CNTNAP2: variants seen among roughly 807,000 people sequenced by gnomAD.
CNTNAP2 encodes the protein contactin-associated protein-like 2.
In CNTNAP2, 98 loss-of-function variants were observed where a neutral mutation model predicts 155.2. That is an observed-to-expected ratio of 0.63 (90% confidence interval 0.54 to 0.75). The LOEUF (loss-of-function observed/expected upper bound fraction) is 0.75, where lower values mean the gene tolerates loss of function less well. CNTNAP2 is among the 30% of genes least tolerant of loss of function. The pLI is 0.00. For missense variants in CNTNAP2, 1,727 were observed against 1,688.1 expected (o/e 1.02, Z -0.40); for synonymous variants, 651 against 631.2 (o/e 1.03, Z -0.47).
chr7:147,722,357 G>T (rs113561984), intron 13 of CNTNAP2, among the ~76,000 whole-genome samples: 7,925 of 152,178 alleles, frequency 0.052, 279 homozygotes, highest in South Asian at 0.13. Context: ...TCATTGTTGA[G>T]CGTGGTTTAC....
At chr7:147,648,850 A>G (rs1795407978) in intron 13 of CNTNAP2, among the ~76,000 whole-genome samples, 1 of 152,168 alleles carries the variant, frequency 6.6e-6, no homozygotes, top group Admixed American at 6.5e-5. Flanking sequence ...TTTCAAATGT[A>G]TATCTATCCT....
chr7:147,384,044 A>G (rs1231821534), intron 9 of CNTNAP2, among the ~76,000 whole-genome samples: 2 of 152,182 alleles, frequency 1.3e-5, no homozygotes, highest in African/African-American at 4.8e-5. Flanking sequence ...GTGACATTTG[A>G]ACTGACCTGA....
At chr7:146,576,867 G>A (rs982403344) in intron 1 of CNTNAP2, among the ~76,000 whole-genome samples, 1 of 151,954 alleles carries the variant, frequency 6.6e-6, no homozygotes, top group Non-Finnish European at 1.5e-5. Flanking sequence ...ATTATTTTTA[G>A]GTGTAACACT....
chr7:147,727,902 A>G (rs1386362033), intron 13 of CNTNAP2, among the ~76,000 whole-genome samples: 1 of 152,010 alleles, frequency 6.6e-6, no homozygotes, highest in East Asian at 1.9e-4. Context: ...TTGGTGGTAG[A>G]TTGCATTGAT....
chr7:148,306,770 T>G (rs567880552), intron 21 of CNTNAP2, among the ~76,000 whole-genome samples: 51 of 152,162 alleles, frequency 3.4e-4, no homozygotes, highest in African/African-American at 1.0e-3. Context: ...TTGGTTGGTG[T>G]GTGTGTGTGT....
At chr7:146,947,052 A>G (rs1257347591) in intron 3 of CNTNAP2, among the ~76,000 whole-genome samples, 2 of 151,604 alleles carry the variant, frequency 1.3e-5, no homozygotes, top group Admixed American at 1.3e-4. Flanking sequence ...TATTTTTGAG[A>G]TGGAGTTTCA....
At chr7:147,562,040 C>T (rs1800073432) in intron 11 of CNTNAP2, 98 bp from the exon 12 acceptor site, 1 of 1,471,454 alleles carries the variant, frequency 6.8e-7, no homozygotes, top group African/African-American at 1.4e-5. Flanking sequence ...CTACTCCTAA[C>T]TAGTGGTTTG....
intron 1 of CNTNAP2, among the ~76,000 whole-genome samples, chr7:146,655,315 G>A (rs907846354): frequency 6.8e-6 from 1 of 147,644 alleles, no homozygotes; most frequent in African/African-American, 2.5e-5. Flanking sequence ...TCAGAAGGCT[G>A]AGGCAAGACA....
intron 1 of CNTNAP2, among the ~76,000 whole-genome samples, chr7:146,599,610 C>T (rs144752999): frequency 6.7e-6 from 1 of 148,886 alleles, no homozygotes; most frequent in Non-Finnish European, 1.5e-5. Flanking sequence ...TCTTCTCCTC[C>T]TTATATTATG....
intron 21 of CNTNAP2, among the ~76,000 whole-genome samples, chr7:148,288,266 C>A (rs7792911): frequency 0.71 from 108,068 of 151,356 alleles, 38,758 homozygotes; most frequent in South Asian, 0.81. Flanking sequence ...TGCCCAGCTA[C>A]TTTTTTGTAT....
chr7:148,227,734 A>C (rs1795878718), intron 19 of CNTNAP2, among the ~76,000 whole-genome samples: 1 of 152,258 alleles, frequency 6.6e-6, no homozygotes, highest in South Asian at 2.1e-4. Context: ...TCTAAGGTAA[A>C]ACTCAGAAAT....
chr7:147,537,659 C>G (rs1031200123), intron 11 of CNTNAP2, among the ~76,000 whole-genome samples: 3 of 152,030 alleles, frequency 2.0e-5, no homozygotes, highest in African/African-American at 4.8e-5. Context: ...GGGTGATAAT[C>G]TAGATCATGT....
intron 2 of CNTNAP2, among the ~76,000 whole-genome samples, chr7:146,780,102 C>T (rs1288393737): frequency 6.6e-6 from 1 of 152,154 alleles, no homozygotes; most frequent in Non-Finnish European, 1.5e-5. Flanking sequence ...CACTGTCTTC[C>T]ACAATGGTTC....
rs188446347 is a variant in CNTNAP2 at position 147,432,661 on chromosome 7, C to T, written c.1670+36881C>T. On this transcript the variant is annotated intron_variant, in intron 10 of 23. Coordinates refer to ENST00000361727, the MANE Select transcript of CNTNAP2 (RefSeq NM_014141.6). ...CACACAATTTCTCTCCTCTCATCCT[C>T]CTAATCTCCCAACCACAGTCACAGT... Among the ~76,000 whole-genome samples the T allele has an allele frequency of 3.7e-3, 557 of 152,320 alleles. 3 individuals are homozygous for T. The highest frequency in any genetic ancestry group is 0.012 in the African/African-American group (517 of 41,574).
intron 21 of CNTNAP2, among the ~76,000 whole-genome samples, chr7:148,327,040 G>C (rs370547401): frequency 6.6e-6 from 1 of 152,162 alleles, no homozygotes. Context: ...GCTCGCAGTG[G>C]CTTTCTCATC....
intron 8 of CNTNAP2, among the ~76,000 whole-genome samples, chr7:147,290,433 C>A (rs1008962891): frequency 8.5e-5 from 13 of 152,188 alleles, no homozygotes; most frequent in African/African-American, 3.1e-4. Flanking sequence ...TGTAATCCAG[C>A]ACTTTGGGAG....
intron 8 of CNTNAP2, among the ~76,000 whole-genome samples, chr7:147,142,688 C>T (rs1801623001): frequency 6.6e-6 from 1 of 152,076 alleles, no homozygotes; most frequent in African/African-American, 2.4e-5. Context: ...ACCAACATGG[C>T]ACATGTATAC....
At chr7:146,156,960 A>G (rs1798136204) in intron 1 of CNTNAP2, among the ~76,000 whole-genome samples, 1 of 152,214 alleles carries the variant, frequency 6.6e-6, no homozygotes. Flanking sequence ...CATTGAAATC[A>G]GCTGTGCAGA....
chr7:148,354,065 C>T (rs892794111), intron 21 of CNTNAP2, among the ~76,000 whole-genome samples: 1 of 152,066 alleles, frequency 6.6e-6, no homozygotes, highest in Non-Finnish European at 1.5e-5. Context: ...GAAATGCACA[C>T]CTCAGAACAG....
Sources: allele counts gnomAD v4.1 joint callset (sites outside exome capture counted in the v4.1 genomes callset), GRCh38; gene constraint gnomAD v4.1.1; transcripts MANE v1.5; gene names NCBI Gene and HGNC (gene_info 2026-07-23, HGNC 2026-07-21).